Variants in GRIA1 observed in about 807,000 individuals in gnomAD.
GRIA1 encodes the protein glutamate ionotropic receptor AMPA type subunit 1.
In GRIA1, 31 loss-of-function variants were observed where a neutral mutation model predicts 99.2. That is an observed-to-expected ratio of 0.31 (90% CI 0.23 to 0.42). The LOEUF is 0.42. Ranked by LOEUF, GRIA1 falls within the 10% of genes least tolerant of loss-of-function variation. The pLI, the probability that GRIA1 is intolerant of heterozygous loss-of-function variation, is 1.00. For missense variants in GRIA1, 782 were observed against 1,157.5 expected (o/e 0.68, Z 4.71); for synonymous variants, 438 against 432.4 (o/e 1.01, Z -0.16).
intron 2 of GRIA1, among the ~76,000 whole-genome samples, chr5:153,639,473 G>A (rs1369755502): frequency 6.6e-6 from 1 of 152,140 alleles, no homozygotes; most frequent in Non-Finnish European, 1.5e-5. Context: ...TTCTGCCTGA[G>A]ACTGCTTCTT....
chr5:153,779,777 G>A (rs1389833024), intron 13 of GRIA1, among the ~76,000 whole-genome samples: 1 of 152,116 alleles, frequency 6.6e-6, no homozygotes, highest in African/African-American at 2.4e-5. Context: ...AGCCAGGCTG[G>A]TCTCAAACTC....
intron 2 of GRIA1, among the ~76,000 whole-genome samples, chr5:153,555,639 A>T (rs1204331004): frequency 1.3e-5 from 2 of 152,112 alleles, no homozygotes; most frequent in African/African-American, 2.4e-5. Context: ...GTTGCCATGG[A>T]AAGCTTAGGG....
chr5:153,601,380 CAA>C (rs775686510), intron 2 of GRIA1, among the ~76,000 whole-genome samples: 1 of 152,214 alleles, frequency 6.6e-6, no homozygotes, highest in Non-Finnish European at 1.5e-5. Flanking sequence ...ACATACTTCA[CAA>C]AGAGACTTTT....
At chr5:153,674,766 G>T in intron 6 of GRIA1, 105 bp downstream of exon 6, 2 of 1,202,580 alleles carry the variant, frequency 1.7e-6, no homozygotes, top group Admixed American at 2.4e-5. Context: ...TTTCTAAAGC[G>T]AACAAATTCA....
At chr5:153,513,482 G>C (rs73284013) in intron 2 of GRIA1, among the ~76,000 whole-genome samples, 3,009 of 152,272 alleles carry the variant, frequency 0.02, 103 homozygotes, top group African/African-American at 0.067. Flanking sequence ...CAGGAAAAAG[G>C]CTTGATTTTT....
chr5:153,761,638 C>T (rs553206408), intron 11 of GRIA1, among the ~76,000 whole-genome samples: 2 of 152,246 alleles, frequency 1.3e-5, no homozygotes, highest in African/African-American at 4.8e-5. Context: ...ATAAAACTAC[C>T]ATATGATTCA....
intron 2 of GRIA1, among the ~76,000 whole-genome samples, chr5:153,590,178 C>G (rs940986501): frequency 1.1e-4 from 17 of 152,134 alleles, no homozygotes; most frequent in African/African-American, 4.1e-4. Flanking sequence ...ATTGTGGATT[C>G]AGAAGAACAG....
chr5:153,534,803 T>C (rs1758412393), intron 2 of GRIA1, among the ~76,000 whole-genome samples: 1 of 152,158 alleles, frequency 6.6e-6, no homozygotes, highest in South Asian at 2.1e-4. Context: ...GTCAGATAAA[T>C]GTCTGGCCCC....
At chr5:153,567,926 T>G (rs1761791756) in intron 2 of GRIA1, among the ~76,000 whole-genome samples, 1 of 152,152 alleles carries the variant, frequency 6.6e-6, no homozygotes, top group Non-Finnish European at 1.5e-5. Context: ...GAGTACAGTA[T>G]AATTGGAAGC....
intron 10 of GRIA1, among the ~76,000 whole-genome samples, chr5:153,699,754 T>C (rs1220794886): frequency 6.6e-6 from 1 of 152,160 alleles, no homozygotes; most frequent in Admixed American, 6.5e-5. Flanking sequence ...GACTATTCTA[T>C]CTTTATAGTG....
chr5:153,802,116 A>G (rs972042817), intron 14 of GRIA1, among the ~76,000 whole-genome samples: 1 of 152,178 alleles, frequency 6.6e-6, no homozygotes, highest in Non-Finnish European at 1.5e-5. Context: ...TTGTAATTAC[A>G]AGTTCAACAT....
chr5:153,639,851 A>G (rs1455130165), intron 2 of GRIA1, among the ~76,000 whole-genome samples: 2 of 152,346 alleles, frequency 1.3e-5, no homozygotes, highest in East Asian at 1.9e-4. Context: ...AATCTGTAGG[A>G]CCTCACATCC....
chr5:153,653,205 C>G (rs540175768), intron 4 of GRIA1, among the ~76,000 whole-genome samples: 2 of 152,266 alleles, frequency 1.3e-5, no homozygotes, highest in Non-Finnish European at 2.9e-5. Context: ...TCAATGAAGC[C>G]TCTAAGAAAG....
chr5:153,554,428 A>T (rs59469179), intron 2 of GRIA1, among the ~76,000 whole-genome samples: 19,089 of 152,098 alleles, frequency 0.13, 1,270 homozygotes, highest in Middle Eastern at 0.14. Flanking sequence ...TCCACGTCCC[A>T]CTCCCAGAGA....
rs1020048058 is a variant in GRIA1 at position 153,705,025 on chromosome 5, G to T, written c.1453-672G>T. 7.2e-5 allele frequency among the ~76,000 whole-genome samples: 11 copies of T among 152,280 alleles called. No homozygotes were observed. In the South Asian group the frequency reaches 1.0e-3, roughly 14 times the overall value. On this transcript the variant is annotated intron_variant, in intron 10 of 15. Transcript: ENST00000285900. ...AGGACTATCTTGGTTGCAGGAAAAA[G>T]AAACCCAATTCAAACTGACTTAGGC...
chr5:153,718,738 A>AT (rs1246710607), intron 11 of GRIA1, among the ~76,000 whole-genome samples: 1 of 151,996 alleles, frequency 6.6e-6, no homozygotes, highest in African/African-American at 2.4e-5. Context: ...CCCACCAATC[A>AT]TTTATTCCCT....
At chr5:153,773,906 T>C (rs1425198013) in intron 13 of GRIA1, among the ~76,000 whole-genome samples, 1 of 152,166 alleles carries the variant, frequency 6.6e-6, no homozygotes, top group Non-Finnish European at 1.5e-5. Flanking sequence ...CTCAGGTGTC[T>C]GGCCTAGGAA....
rs374648118 is a variant in GRIA1 at position 153,656,911 on chromosome 5, T to A, written c.699+1039T>A. The stretch of plus-strand genomic sequence containing the variant: ...ACCATTAATTTACTTTCTATCCGTA[T>A]GTATTTGCCTGTTTGGAGCATGTCA... On this transcript the variant is annotated intron_variant, in intron 5 of 15. Transcript: ENST00000285900. 1.8e-4 allele frequency among the ~76,000 whole-genome samples: 28 copies of A among 152,304 alleles called. No individual in the cohort carries two copies. The East Asian group carries it at 5.0e-3, about 27-fold the overall frequency.
chr5:153,490,486 CG>C (rs1753816777), upstream of GRIA1: 1 of 235,162 alleles, frequency 4.3e-6, no homozygotes, highest in South Asian at 6.0e-5. Flanking sequence ...GTAGGGAGGT[CG>C]GCTGTGGAAC....
Sources: gnomAD v4.1 joint callset for allele counts (sites outside exome capture counted in the v4.1 genomes callset) on GRCh38, gnomAD v4.1.1 for gene constraint, MANE v1.5 for transcripts, NCBI Gene and HGNC (gene_info 2026-07-23, HGNC 2026-07-21) for gene names.